The following SLC20A2 variants were observed in gnomAD, a reference collection of about 807,000 sequenced individuals.
SLC20A2 encodes the protein solute carrier family 20 member 2.
A neutral mutation model predicts 61.0 loss-of-function variants in SLC20A2; 30 were observed. The observed-to-expected ratio is 0.49, with a 90% confidence interval of 0.37 to 0.67. The LOEUF (loss-of-function observed/expected upper bound fraction) is 0.67. SLC20A2 is among the 30% of genes least tolerant of loss of function. SLC20A2 has a pLI of 0.00. For synonymous variants in SLC20A2, 351 were observed against 353.3 expected (o/e 0.99, Z 0.07); for missense variants, 626 against 866.4 (o/e 0.72, Z 3.48).
intron 4 of SLC20A2, among the ~76,000 whole-genome samples, chr8:42,461,258 ATGTAT>A: frequency 6.6e-6 from 1 of 152,160 alleles, no homozygotes; most frequent in Non-Finnish European, 1.5e-5. Context: ...ATCATCTGTG[ATGTAT>A]CACGTGAAAA....
Position 42,460,018 on chromosome 8 carries a change from G to A in SLC20A2, c.517-26C>T, listed in dbSNP as rs370630711. 3.9e-6 allele frequency: 5 copies of A among 1,293,918 alleles called. No individual in the cohort carries two copies. The African/African-American group carries it at 7.3e-5, about 19-fold the overall frequency. 80.2% of individuals were successfully genotyped at this position (1,293,918 alleles called of 1,614,324 possible). A position where few individuals can be genotyped will look rare whatever the true frequency, so the allele number is the denominator to read the frequency against. ...CTGTAGGAAGACAAGGAGACAGAGT[G>A]GAAGGTCAGGATCCCAGCAGCATTT... On this transcript the variant is annotated intron_variant, in intron 4 of 10. Transcript: ENST00000520262.
intron 1 of SLC20A2, among the ~76,000 whole-genome samples, chr8:42,533,059 T>C (rs1586288222): frequency 6.6e-6 from 1 of 152,202 alleles, no homozygotes; most frequent in African/African-American, 2.4e-5. Flanking sequence ...AAAAGAATGA[T>C]GCAGAACAGG....
In SLC20A2 at chr8:42,492,334, C is replaced by A. The variant is rs565353860; in HGVS notation, c.-265+8697G>T. On this transcript the variant is annotated intron_variant, in intron 1 of 10. Coordinates refer to ENST00000520262, the MANE Select transcript of SLC20A2 (RefSeq NM_001257180.2). The stretch of plus-strand genomic sequence containing the variant: ...TCGTGCCATTGCACTCCAGCCTGGG[C>A]AACAGAACAAGACTCTGTCTCAAAA... Among the ~76,000 whole-genome samples, 306 of 152,176 alleles carry A rather than the reference C, an allele frequency of 2.0e-3. 3 individuals carry two copies. The highest frequency in any genetic ancestry group is 6.9e-3 in the African/African-American group (286 of 41,514).
intron 1 of SLC20A2, among the ~76,000 whole-genome samples, chr8:42,527,951 C>T (rs1250676412): frequency 6.6e-6 from 1 of 152,136 alleles, no homozygotes; most frequent in Non-Finnish European, 1.5e-5. Flanking sequence ...CGAAACTATA[C>T]ATCAAAATGT....
chr8:42,422,977 C>A (rs1205975214), intron 10 of SLC20A2, among the ~76,000 whole-genome samples: 3 of 152,224 alleles, frequency 2.0e-5, no homozygotes, highest in African/African-American at 7.2e-5. Context: ...TTTCTTACAA[C>A]CTGTTTCCTC....
At chr8:42,455,243 T>A (rs59071928) in intron 5 of SLC20A2, among the ~76,000 whole-genome samples, 2,566 of 95,512 alleles carry the variant, frequency 0.027, 45 homozygotes, top group South Asian at 0.042. Flanking sequence ...AAAAAAAAAA[T>A]ATATATATAT....
intron 1 of SLC20A2, among the ~76,000 whole-genome samples, chr8:42,513,749 CA>C (rs1811156646): frequency 6.6e-6 from 1 of 152,056 alleles, no homozygotes; most frequent in Non-Finnish European, 1.5e-5. Context: ...CCCTGGAAGA[CA>C]GGTATATAAA....
chr8:42,423,925 A>G (rs6983256), intron 10 of SLC20A2, among the ~76,000 whole-genome samples: 33,769 of 152,148 alleles, frequency 0.22, 7,703 homozygotes, highest in African/African-American at 0.58. Flanking sequence ...GGACCAGAGA[A>G]CAAGAATTAG....
At chr8:42,492,514 A>G (rs546133085) in intron 1 of SLC20A2, among the ~76,000 whole-genome samples, 1 of 152,334 alleles carries the variant, frequency 6.6e-6, no homozygotes, top group East Asian at 1.9e-4. Flanking sequence ...TAAAAAGAAG[A>G]GCATTCCTTA....
At chr8:42,499,430 C>A (rs1810179529) in intron 1 of SLC20A2, among the ~76,000 whole-genome samples, 1 of 152,138 alleles carries the variant, frequency 6.6e-6, no homozygotes, top group South Asian at 2.1e-4. Flanking sequence ...TCTCACAGCA[C>A]GTAAATCATT....
chr8:42,534,586 C>T (rs796792909), intron 1 of SLC20A2: 43 of 152,230 alleles, frequency 2.8e-4, no homozygotes, highest in African/African-American at 1.0e-3. Context: ...GGGTAGAATG[C>T]AACTATACCA....
chr8:42,450,216 A>AT (rs1012119680), intron 5 of SLC20A2, among the ~76,000 whole-genome samples: 120 of 148,870 alleles, frequency 8.1e-4, no homozygotes, highest in African/African-American at 2.2e-3. Flanking sequence ...GGTACCAAGT[A>AT]TTTTTTTTTC....
intron 1 of SLC20A2, among the ~76,000 whole-genome samples, chr8:42,528,448 C>T (rs1812118917): frequency 6.7e-6 from 1 of 149,686 alleles, no homozygotes; most frequent in Admixed American, 6.7e-5. Flanking sequence ...GGCGACAAAG[C>T]GAGACTCCAT....
At chr8:42,506,077 A>T (rs554610857), upstream of SLC20A2, among the ~76,000 whole-genome samples, 1 of 152,028 alleles carries the variant, frequency 6.6e-6, no homozygotes, top group African/African-American at 2.4e-5. Context: ...AGCAGCTGGG[A>T]TTATAGGTGT....
intron 1 of SLC20A2, among the ~76,000 whole-genome samples, chr8:42,482,473 CTATT>C (rs372413078): frequency 1.9e-3 from 293 of 151,824 alleles, no homozygotes; most frequent in Non-Finnish European, 3.3e-3. Context: ...AGAAAAAAGA[CTATT>C]TAGGCTGGGC....
intron 5 of SLC20A2, among the ~76,000 whole-genome samples, chr8:42,445,401 A>C (rs374258569): frequency 2.0e-5 from 3 of 152,158 alleles, no homozygotes; most frequent in African/African-American, 7.2e-5. Flanking sequence ...TTCAATATCT[A>C]AATGGCTGCA....
In SLC20A2 at chr8:42,437,003, G is replaced by A. The variant is rs1413417784; in HGVS notation, c.1509C>T (p.Gly503=). 2 of 1,604,658 alleles carry A rather than the reference G, an allele frequency of 1.2e-6. No homozygotes were observed. Among genetic ancestry groups the A allele is most frequent in the East Asian group, 2.2e-5 (1 of 44,804 alleles). Residue 503 remains glycine, a synonymous_variant, in exon 8 of 11, where the codon GGC becomes GGT. Transcript: ENST00000520262. The surrounding 1 kb of genome is among the most constrained non-coding windows in gnomAD (Gnocchi z 6.4). The stretch of plus-strand genomic sequence containing the variant: ...AAAGCACCCACCTCACGTCATTGCC[G>A]CCGTGAGCAAAGGACCCGAAACAGG... ...LTACFGSFAH[G]GNDVSNAIGP... is the part of the protein sequence containing the mutation.
intron 1 of SLC20A2, among the ~76,000 whole-genome samples, chr8:42,539,922 AAC>A (rs1812963564): frequency 1.3e-5 from 2 of 152,202 alleles, no homozygotes; most frequent in Non-Finnish European, 2.9e-5. Flanking sequence ...CAACTTGAAA[AAC>A]ACATTAATTT....
Position 42,437,762 on chromosome 8 carries a change from C to T in SLC20A2, c.935-185G>A, listed in dbSNP as rs1257317761. Among the ~76,000 whole-genome samples, 1 of 151,772 alleles carries T rather than the reference C, an allele frequency of 6.6e-6. No homozygotes were observed. Among genetic ancestry groups the T allele is most frequent in the East Asian group, 1.9e-4 (1 of 5,170 alleles). ...TCCTGAGTAGCTGGGACTACAAGCGCGACACCATGCCCAGCTAACTTTTTT... is the reference window on the plus strand; with the variant it reads ...TCCTGAGTAGCTGGGACTACAAGCGTGACACCATGCCCAGCTAACTTTTTT... On this transcript the variant is annotated intron_variant, in intron 7 of 10. Transcript: ENST00000520262. This position sits in a 1 kb window ranked among gnomAD's most constrained non-coding sequence, Gnocchi z 6.4.
Sources: gnomAD v4.1 joint callset for allele counts (sites outside exome capture counted in the v4.1 genomes callset) on GRCh38, gnomAD v4.1.1 for gene constraint, Gnocchi (gnomAD v3.1) non-coding constraint, MANE v1.5 for transcripts, NCBI Gene and HGNC (gene_info 2026-07-23, HGNC 2026-07-21) for gene names.